CLASP1: variants seen among roughly 807,000 people sequenced by gnomAD.
CLASP1 encodes the protein CLIP-associating protein 1.
A neutral mutation model predicts 192.3 loss-of-function variants in CLASP1; 38 were observed. The observed-to-expected ratio is 0.20, with a 90% CI of 0.15 to 0.26. The LOEUF (loss-of-function observed/expected upper bound fraction) is 0.26. Ranked by LOEUF, CLASP1 falls within the 10% of genes least tolerant of loss-of-function variation. The probability of loss-of-function intolerance (pLI) is 1.00; values close to 1 mark genes in which losing one functional copy is unlikely to be tolerated. For missense variants in CLASP1, 1,433 were observed against 1,932.5 expected (o/e 0.74, Z 4.85); for synonymous variants, 691 against 712.8 (o/e 0.97, Z 0.49).
In CLASP1 at chr2:121,363,160, T is replaced by A. The variant is rs556977582; in HGVS notation, c.4206+12A>T. On this transcript the variant is annotated intron_variant, in intron 37 of 39. Transcript: ENST00000263710. Reference sequence around the variant, plus strand: ...CGTCTGTTCAGCACCCCTGGCCACATGACTGACTCACCTCCTTATGGGAGT... The same window carrying A: ...CGTCTGTTCAGCACCCCTGGCCACAAGACTGACTCACCTCCTTATGGGAGT... 55 of 1,613,948 alleles carry A rather than the reference T, an allele frequency of 3.4e-5. No homozygotes were observed. Among genetic ancestry groups the A allele is most frequent in the South Asian group, 9.9e-5 (9 of 91,076 alleles).
Position 121,637,088 on chromosome 2 carries a change from C to T in CLASP1, c.-286+12284G>A, listed in dbSNP as rs527911129. Among the ~76,000 whole-genome samples, 6 of 152,220 alleles carry T rather than the reference C, an allele frequency of 3.9e-5. No homozygotes were observed. In the South Asian group the frequency reaches 1.2e-3, roughly 32 times the overall value. On this transcript the variant is annotated intron_variant, in intron 1 of 39. Transcript: ENST00000263710. ...AGAAATAGAACATATACTCTCCTAC[C>T]CCAAAGGTCCTTACAATCTGTTTTT...
chr2:121,394,772 C>T (rs915668904), intron 30 of CLASP1, among the ~76,000 whole-genome samples: 1 of 152,088 alleles, frequency 6.6e-6, no homozygotes, highest in East Asian at 1.9e-4. Flanking sequence ...CCCAGCTACT[C>T]GGGAGGCTGA....
At position 121,373,999 on chromosome 2, in the gene CLASP1, C is replaced by T. The variant is rs149081665; in HGVS notation, c.3642+3500G>A. 9.0e-4 allele frequency among the ~76,000 whole-genome samples: 137 copies of T among 152,280 alleles called. 1 individual carries two copies. The East Asian group carries it at 0.02, about 22-fold the overall frequency. ...GAAATTTGCACAAATAATTAAAAGCCGGATGTTAATAGCCAAGACAATGGA... is the reference window on the plus strand; with the variant it reads ...GAAATTTGCACAAATAATTAAAAGCTGGATGTTAATAGCCAAGACAATGGA... On this transcript the variant is annotated intron_variant, in intron 34 of 39. Transcript: ENST00000263710.
At chr2:121,566,163 T>C (rs2059482544) in intron 2 of CLASP1, among the ~76,000 whole-genome samples, 1 of 152,132 alleles carries the variant, frequency 6.6e-6, no homozygotes, top group Non-Finnish European at 1.5e-5. Context: ...AGCAATCATC[T>C]CAAAGTCCTC....
At chr2:121,503,124 T>C (rs2093815521) in intron 8 of CLASP1, 43 bp downstream of exon 8, 1 of 1,256,646 alleles carries the variant, frequency 8.0e-7, no homozygotes, top group Non-Finnish European at 1.1e-6. Context: ...GATGCGAATG[T>C]AAAACTGAAA....
intron 34 of CLASP1, among the ~76,000 whole-genome samples, chr2:121,371,748 C>A (rs552337724): frequency 6.6e-6 from 1 of 152,314 alleles, no homozygotes; most frequent in African/African-American, 2.4e-5. Flanking sequence ...AGTCATTCTA[C>A]CTGGGCCCTA....
exon 7 of CLASP1, chr2:121,515,676 C>G (rs1263807269): frequency 6.2e-6 from 10 of 1,613,776 alleles, no homozygotes; most frequent in Non-Finnish European, 7.6e-6. Flanking sequence ...GGGACTGTGG[C>G]AATCCTTTTT....
intron 3 of CLASP1, among the ~76,000 whole-genome samples, chr2:121,529,552 A>C (rs1198839350): frequency 6.6e-6 from 1 of 152,234 alleles, no homozygotes; most frequent in African/African-American, 2.4e-5. Flanking sequence ...AAATTCCATA[A>C]GGAAATGGTT....
chr2:121,632,094 A>C (rs1310581823), intron 1 of CLASP1, among the ~76,000 whole-genome samples: 1 of 151,994 alleles, frequency 6.6e-6, no homozygotes, highest in Non-Finnish European at 1.5e-5. Flanking sequence ...AAATACAAAA[A>C]TCAGCCAGGC....
chr2:121,407,572 A>G (rs368183089), exon 25 of CLASP1: 1 of 1,613,958 alleles, frequency 6.2e-7, no homozygotes, highest in Non-Finnish European at 8.5e-7. Context: ...CTTCTGCTAC[A>G]TCCTCAGTCT....
At chr2:121,438,905 G>A (rs1301348398) in intron 19 of CLASP1, among the ~76,000 whole-genome samples, 1 of 151,394 alleles carries the variant, frequency 6.6e-6, no homozygotes, top group Non-Finnish European at 1.5e-5. Flanking sequence ...AGACGGAATG[G>A]TACCAGTTCC....
At chr2:121,440,363 T>G (rs1378299750) in intron 19 of CLASP1, among the ~76,000 whole-genome samples, 1 of 152,242 alleles carries the variant, frequency 6.6e-6, no homozygotes, top group Non-Finnish European at 1.5e-5. Context: ...TAAAAGATGA[T>G]ATAAAATGCT....
chr2:121,612,526 A>C (rs1444669419), intron 1 of CLASP1, among the ~76,000 whole-genome samples: 1 of 151,666 alleles, frequency 6.6e-6, no homozygotes, highest in Non-Finnish European at 1.5e-5. Flanking sequence ...AGGGAGTTGG[A>C]AGAGAAGGAG....
chr2:121,515,310 T>G (rs1305726487), intron 7 of CLASP1, among the ~76,000 whole-genome samples: 1 of 152,212 alleles, frequency 6.6e-6, no homozygotes, highest in Non-Finnish European at 1.5e-5. Flanking sequence ...TCAAATATAT[T>G]CTAAGCACCT....
intron 18 of CLASP1, 97 bp downstream of exon 18, chr2:121,448,179 C>A: frequency 2.0e-6 from 2 of 992,938 alleles, no homozygotes; most frequent in Admixed American, 3.5e-5. Flanking sequence ...GAACTGAGGG[C>A]AGGCCGTTGG....
intron 1 of CLASP1, among the ~76,000 whole-genome samples, chr2:121,647,181 A>G (rs1204874257): frequency 6.6e-6 from 1 of 152,126 alleles, no homozygotes; most frequent in Non-Finnish European, 1.5e-5. Context: ...CAGCCTGGCC[A>G]ACATAGTGAA....
At chr2:121,387,049 T>C in intron 32 of CLASP1, 73 bp downstream of exon 33, 1 of 1,244,072 alleles carries the variant, frequency 8.0e-7, no homozygotes, top group Non-Finnish European at 1.2e-6. Flanking sequence ...TCTAAAAATC[T>C]AGAAATAGGA....
At chr2:121,597,079 G>A (rs6707415) in intron 2 of CLASP1, among the ~76,000 whole-genome samples, 36,076 of 152,010 alleles carry the variant, frequency 0.24, 6,532 homozygotes, top group African/African-American at 0.5. Flanking sequence ...TCCCTACTGT[G>A]TAAGTACAGC....
At position 121,531,141 on chromosome 2, in the gene CLASP1, T is replaced by C. The variant is rs1236871098; in HGVS notation, c.196-816A>G. On this transcript the variant is annotated intron_variant, in intron 2 of 39. Coordinates refer to ENST00000263710, the Ensembl canonical transcript of CLASP1. ...TGTCGCAAGTAAAGTTCTTTCAGTT[T>C]TTGCGGTGATTAAACGGGAAGGATT... is the stretch of plus-strand genomic sequence containing the variant. 17 of 612,428 alleles carry C rather than the reference T, an allele frequency of 2.8e-5. No homozygotes were observed. The East Asian group carries it at 3.0e-4, about 11-fold the overall frequency. The allele number at this position is 612,428 out of a possible 1,614,324, so 37.9% of individuals were successfully genotyped here.
Sources: allele counts gnomAD v4.1 joint callset (sites outside exome capture counted in the v4.1 genomes callset), GRCh38; gene constraint gnomAD v4.1.1; transcripts MANE v1.5; gene names NCBI Gene and HGNC (gene_info 2026-07-23, HGNC 2026-07-21).